CSMD1: variants seen among roughly 807,000 people sequenced by gnomAD.
The protein encoded by CSMD1 is CUB and sushi domain-containing protein 1.
Under a neutral mutation model 417.5 loss-of-function variants are expected in CSMD1, and 213 were observed. The observed-to-expected ratio is 0.51, with a 90% CI of 0.46 to 0.57. The LOEUF is 0.57. CSMD1 is among the 20% of genes least tolerant of loss of function. The pLI is 0.00. For missense variants in CSMD1, 6,923 were observed against 4,529.7 expected, an observed-to-expected ratio of 1.53 and a Z score of -15.17; for synonymous variants, 2,862 against 1,736.8, an observed-to-expected ratio of 1.65 and a Z score of -16.11.
At chr8:4,706,297 G>A (rs12679634) in intron 1 of CSMD1, among the ~76,000 whole-genome samples, 8,413 of 151,844 alleles carry the variant, frequency 0.055, 246 homozygotes, top group East Asian at 0.093. Context: ...TACCTTACAT[G>A]TACCCCATGA....
chr8:4,413,873 G>C (rs150925468), intron 3 of CSMD1, among the ~76,000 whole-genome samples: 3 of 152,144 alleles, frequency 2.0e-5, no homozygotes, highest in Non-Finnish European at 4.4e-5. Flanking sequence ...TTACAGGAAG[G>C]ATACCTGGGT....
chr8:3,730,892 A>T (rs1167139565), intron 6 of CSMD1, among the ~76,000 whole-genome samples: 3 of 152,198 alleles, frequency 2.0e-5, no homozygotes, highest in South Asian at 2.1e-4. Context: ...CCACTATAAT[A>T]CGTAGACCAA....
intron 2 of CSMD1, among the ~76,000 whole-genome samples, chr8:4,628,975 ATCT>A (rs1215437220): frequency 6.6e-6 from 1 of 152,184 alleles, no homozygotes; most frequent in Non-Finnish European, 1.5e-5. Context: ...TATGTGAGAG[ATCT>A]TCTCAGATCC....
intron 23 of CSMD1, among the ~76,000 whole-genome samples, chr8:3,337,499 C>A (rs1807346245): frequency 6.6e-6 from 1 of 152,066 alleles, no homozygotes; most frequent in East Asian, 1.9e-4. Flanking sequence ...GGCAGTCTTG[C>A]CTAAACAATG....
intron 3 of CSMD1, among the ~76,000 whole-genome samples, chr8:4,271,982 A>G (rs1223353474): frequency 6.6e-6 from 1 of 152,094 alleles, no homozygotes; most frequent in Non-Finnish European, 1.5e-5. Flanking sequence ...CCCTATATAG[A>G]TGGATTTCAC....
At chr8:3,114,629 T>C (rs1237740930) in intron 42 of CSMD1, among the ~76,000 whole-genome samples, 4 of 152,002 alleles carry the variant, frequency 2.6e-5, no homozygotes, top group African/African-American at 9.7e-5. Context: ...GTCTTGGAAA[T>C]TGCCGGTTGG....
At chr8:4,695,377 G>A (rs995235183) in intron 1 of CSMD1, among the ~76,000 whole-genome samples, 1 of 152,160 alleles carries the variant, frequency 6.6e-6, no homozygotes, top group African/African-American at 2.4e-5. Flanking sequence ...GTTCACATGT[G>A]TTATTTACAC....
chr8:3,289,478 C>G (rs766027900), intron 25 of CSMD1, among the ~76,000 whole-genome samples: 9 of 147,620 alleles, frequency 6.1e-5, no homozygotes, highest in Non-Finnish European at 1.2e-4. Context: ...CATATCCTCT[C>G]CAGCACCTGT....
At position 4,106,486 on chromosome 8, in the gene CSMD1, G is replaced by C. The variant is rs1327751966; in HGVS notation, c.416-74387C>G. 2.6e-5 allele frequency among the ~76,000 whole-genome samples: 4 copies of C among 152,116 alleles called. No homozygotes were observed. The East Asian group carries it at 5.8e-4, about 22-fold the overall frequency. On this transcript the variant is annotated intron_variant, in intron 3 of 69. Coordinates refer to ENST00000635120, the MANE Select transcript of CSMD1 (RefSeq NM_033225.6). ...TTCATTCTCTCTGCATTGCTCTTGA[G>C]TAACCCTGTTCAATAGAAACAGAAT...
chr8:3,703,854 T>G (rs1219664170), intron 7 of CSMD1, among the ~76,000 whole-genome samples: 1 of 152,172 alleles, frequency 6.6e-6, no homozygotes, highest in Non-Finnish European at 1.5e-5. Flanking sequence ...GAAGATCACC[T>G]GAGGTCAGGA....
chr8:3,409,905 G>C (rs1417244475), intron 12 of CSMD1, among the ~76,000 whole-genome samples: 1 of 152,180 alleles, frequency 6.6e-6, no homozygotes, highest in Non-Finnish European at 1.5e-5. Flanking sequence ...GGATACCTCC[G>C]ATCTTTTATC....
intron 1 of CSMD1, among the ~76,000 whole-genome samples, chr8:4,935,992 A>C (rs958353414): frequency 6.6e-6 from 1 of 152,216 alleles, no homozygotes; most frequent in Non-Finnish European, 1.5e-5. Flanking sequence ...AATCAGCAAA[A>C]ACAGCCAGGA....
At chr8:3,620,499 G>A (rs1258247053) in intron 7 of CSMD1, among the ~76,000 whole-genome samples, 3 of 152,148 alleles carry the variant, frequency 2.0e-5, no homozygotes, top group Admixed American at 1.3e-4. Flanking sequence ...ATATAAAGAT[G>A]TAATTTACAA....
At chr8:4,169,926 A>G (rs1797673493) in intron 3 of CSMD1, among the ~76,000 whole-genome samples, 2 of 151,792 alleles carry the variant, frequency 1.3e-5, no homozygotes, top group Admixed American at 1.3e-4. Flanking sequence ...ATAGAACGTA[A>G]CTCAGAAGAG....
rs114407611 is a variant in CSMD1 at position 4,242,820 on chromosome 8, C to T, written c.415+177133G>A. Among the ~76,000 whole-genome samples the T allele has an allele frequency of 6.0e-3, 909 of 152,178 alleles. 12 individuals carry two copies. The highest frequency in any genetic ancestry group is 0.021 in the African/African-American group (859 of 41,510). On this transcript the variant is annotated intron_variant, in intron 3 of 69. Coordinates refer to ENST00000635120, the MANE Select transcript of CSMD1 (RefSeq NM_033225.6). ...GTTGGAGGAAACCTTCATTCACCAA[C>T]GACATGTGACTATTAGTGAAGTCAC...
chr8:3,680,453 C>T (rs1429285641), intron 7 of CSMD1, among the ~76,000 whole-genome samples: 1 of 152,122 alleles, frequency 6.6e-6, no homozygotes, highest in African/African-American at 2.4e-5. Flanking sequence ...CAGAGAAATT[C>T]CTTGACACAT....
intron 23 of CSMD1, among the ~76,000 whole-genome samples, chr8:3,317,884 C>G (rs1027131228): frequency 6.6e-6 from 1 of 152,226 alleles, no homozygotes; most frequent in African/African-American, 2.4e-5. Flanking sequence ...CATCTTGGCT[C>G]ACTACAGCCT....
intron 36 of CSMD1, among the ~76,000 whole-genome samples, chr8:3,187,431 A>G (rs990156209): frequency 2.0e-5 from 3 of 152,078 alleles, no homozygotes; most frequent in East Asian, 1.9e-4. Flanking sequence ...GTGGACTACA[A>G]TTTCGTGCCT....
rs192536476 is a variant in CSMD1, at chr8:4,199,124, C to T, written c.416-167025G>A. On this transcript the variant is annotated intron_variant, in intron 3 of 69. Transcript: ENST00000635120. ...CTGAGCTTCTGCTGTCCGTAAAGTTCTCATATATTTGTATGAGACTGCAGA... is the reference window on the plus strand; with the variant it reads ...CTGAGCTTCTGCTGTCCGTAAAGTTTTCATATATTTGTATGAGACTGCAGA... Among the ~76,000 whole-genome samples the T allele has an allele frequency of 2.6e-3, 397 of 152,280 alleles. 3 individuals carry two copies. Among genetic ancestry groups the T allele is most frequent in the Non-Finnish European group, 4.6e-3 (311 of 68,024 alleles).
Sources: gnomAD v4.1 joint callset for allele counts (sites outside exome capture counted in the v4.1 genomes callset) on GRCh38, gnomAD v4.1.1 for gene constraint, MANE v1.5 for transcripts, NCBI Gene and HGNC (gene_info 2026-07-23, HGNC 2026-07-21) for gene names.